Variants in SHTN1 observed in about 807,000 individuals in gnomAD.
The protein encoded by SHTN1 is shootin 1.
SHTN1 carries 42 observed loss-of-function variants against 83.1 expected under a neutral mutation model. The observed-to-expected ratio is 0.51, with a 90% CI of 0.39 to 0.65. SHTN1 has a LOEUF of 0.65. SHTN1 is among the 30% of genes least tolerant of loss of function. SHTN1 has a pLI of 0.00. For missense variants in SHTN1, 622 were observed against 737.8 expected, an observed-to-expected ratio of 0.84 and a Z score of 1.82; for synonymous variants, 224 against 247.7, an observed-to-expected ratio of 0.90 and a Z score of 0.90.
chr10:116,889,201 G>C (rs1847257929), intron 16 of SHTN1, among the ~76,000 whole-genome samples: 1 of 152,162 alleles, frequency 6.6e-6, no homozygotes, highest in African/African-American at 2.4e-5. Context: ...TCAGCTCAGG[G>C]CTAAAAATTT....
intron 4 of SHTN1, among the ~76,000 whole-genome samples, chr10:116,958,319 GT>G (rs1464936007): frequency 6.6e-6 from 1 of 152,088 alleles, no homozygotes; most frequent in African/African-American, 2.4e-5. Flanking sequence ...CACATTTATA[GT>G]ATTTGATTTA....
intron 9 of SHTN1, among the ~76,000 whole-genome samples, chr10:116,936,293 C>T (rs977730811): frequency 6.6e-6 from 1 of 152,116 alleles, no homozygotes; most frequent in Non-Finnish European, 1.5e-5. Context: ...CCTGCTTTCT[C>T]CTGTGGGCAT....
intron 3 of SHTN1, among the ~76,000 whole-genome samples, chr10:116,967,050 G>A (rs1372975690): frequency 6.6e-6 from 1 of 152,164 alleles, no homozygotes; most frequent in Non-Finnish European, 1.5e-5. Flanking sequence ...CATTTGTATG[G>A]CTGTTTTAAC....
intron 1 of SHTN1, among the ~76,000 whole-genome samples, chr10:117,109,920 C>A (rs895218338): frequency 6.6e-6 from 1 of 151,976 alleles, no homozygotes; most frequent in Non-Finnish European, 1.5e-5. Flanking sequence ...ACCTTATAAA[C>A]CTGATCTTAT....
At chr10:117,001,078 T>G (rs927088247) in intron 1 of SHTN1, among the ~76,000 whole-genome samples, 27 of 151,852 alleles carry the variant, frequency 1.8e-4, no homozygotes, top group Non-Finnish European at 5.9e-5. Flanking sequence ...AATATCCACT[T>G]TAGTAGCTAG....
At chr10:116,920,375 C>A (rs1848516810) in intron 12 of SHTN1, among the ~76,000 whole-genome samples, 1 of 152,100 alleles carries the variant, frequency 6.6e-6, no homozygotes, top group South Asian at 2.1e-4. Flanking sequence ...ATGGGAGGGC[C>A]CTTCTCCTTC....
intron 1 of SHTN1, among the ~76,000 whole-genome samples, chr10:117,052,091 A>AAAAAAAT (rs1353233943): frequency 5.4e-5 from 8 of 147,366 alleles, no homozygotes; most frequent in Non-Finnish European, 1.2e-4. Flanking sequence ...AATCTATCAT[A>AAAAAAAT]AAAAAATAAA....
At chr10:116,904,664 CCCA>C (rs1847890003) in intron 15 of SHTN1, among the ~76,000 whole-genome samples, 2 of 152,042 alleles carry the variant, frequency 1.3e-5, no homozygotes, top group African/African-American at 2.4e-5. Context: ...GTGAAAAATT[CCCA>C]CCATGTTCAT....
At chr10:117,057,693 T>TTA (rs1852844271) in intron 1 of SHTN1, among the ~76,000 whole-genome samples, 1 of 152,104 alleles carries the variant, frequency 6.6e-6, no homozygotes, top group African/African-American at 2.4e-5. Context: ...GACATTAAGT[T>TTA]TATACCTTAA....
chr10:116,946,838 C>T (rs1849612844), intron 7 of SHTN1, among the ~76,000 whole-genome samples: 1 of 151,648 alleles, frequency 6.6e-6, no homozygotes, highest in African/African-American at 2.4e-5. Flanking sequence ...CTGCCTCAGC[C>T]TCCTGAGTAG....
At chr10:117,095,523 A>G (rs1853491696) in intron 1 of SHTN1, among the ~76,000 whole-genome samples, 3 of 152,240 alleles carry the variant, frequency 2.0e-5, no homozygotes, top group Middle Eastern at 3.2e-3. Context: ...AGGAAACTGA[A>G]AATGACCATA....
chr10:116,974,753 C>G (rs1454105446), intron 2 of SHTN1, among the ~76,000 whole-genome samples: 1 of 151,958 alleles, frequency 6.6e-6, no homozygotes, highest in Non-Finnish European at 1.5e-5. Context: ...TTTACGCACA[C>G]TCCACACACA....
chr10:116,886,792 G>A (rs1847178499), intron 16 of SHTN1, among the ~76,000 whole-genome samples: 1 of 152,206 alleles, frequency 6.6e-6, no homozygotes, highest in Non-Finnish European at 1.5e-5. Context: ...CAGAGAAAGA[G>A]CGATTAACTA....
At chr10:117,040,444 G>C (rs1476131339) in intron 2 of SHTN1, among the ~76,000 whole-genome samples, 1 of 152,104 alleles carries the variant, frequency 6.6e-6, no homozygotes, top group African/African-American at 2.4e-5. Flanking sequence ...AAATGGTAAT[G>C]GAATTGTAAA....
chr10:117,089,547 T>C (rs1364896400), intron 1 of SHTN1, among the ~76,000 whole-genome samples: 1 of 152,168 alleles, frequency 6.6e-6, no homozygotes, highest in African/African-American at 2.4e-5. Flanking sequence ...ATGATTTTTT[T>C]GGATAGGGCG....
chr10:116,995,851 AT>A (rs1366475640), intron 1 of SHTN1, among the ~76,000 whole-genome samples: 2 of 152,142 alleles, frequency 1.3e-5, no homozygotes, highest in African/African-American at 2.4e-5. Context: ...AGGGTAAAGA[AT>A]GTCACCTTCC....
chr10:117,017,273 C>T (rs1051493393), intron 2 of SHTN1, among the ~76,000 whole-genome samples: 44 of 152,146 alleles, frequency 2.9e-4, no homozygotes, highest in Middle Eastern at 3.4e-3. Flanking sequence ...GGGCGGATCA[C>T]GAGGTCAGGA....
intron 2 of SHTN1, among the ~76,000 whole-genome samples, chr10:117,032,700 A>G (rs12098371): frequency 0.027 from 4,146 of 152,240 alleles, 176 homozygotes; most frequent in African/African-American, 0.091. Flanking sequence ...CCCAATGGAT[A>G]TTTACAGAAC....
chr10:116,931,117 A>T (rs1371715955), intron 9 of SHTN1, among the ~76,000 whole-genome samples: 11 of 137,358 alleles, frequency 8.0e-5, no homozygotes, highest in African/African-American at 3.0e-4. Flanking sequence ...AAATTTAGTA[A>T]TAAGTATCAA....
Sources: allele counts gnomAD v4.1 joint callset (sites outside exome capture counted in the v4.1 genomes callset), GRCh38; gene constraint gnomAD v4.1.1; transcripts MANE v1.5; gene names NCBI Gene and HGNC (gene_info 2026-07-23, HGNC 2026-07-21).